PKNOX2: variants seen among roughly 807,000 people sequenced by gnomAD.
PKNOX2 encodes the protein homeobox protein PKNOX2.
PKNOX2 carries 14 observed loss-of-function variants against 53.1 expected under a neutral mutation model. The ratio of observed to expected loss-of-function variants is 0.26; its 90% CI spans 0.17 to 0.41. The LOEUF is 0.41. Among genes scored for constraint, PKNOX2 ranks in the 10% least tolerant of loss-of-function variants. The probability of loss-of-function intolerance (pLI) is 1.00; values close to 1 mark genes in which losing one functional copy is unlikely to be tolerated. For synonymous variants in PKNOX2, 257 were observed against 242.8 expected, an observed-to-expected ratio of 1.06 and a Z score of -0.54; for missense variants, 496 against 602.8, an observed-to-expected ratio of 0.82 and a Z score of 1.85.
chr11:125,181,783 A>C (rs1379404704), intron 1 of PKNOX2, among the ~76,000 whole-genome samples: 1 of 152,236 alleles, frequency 6.6e-6, no homozygotes, highest in Non-Finnish European at 1.5e-5. Context: ...CAAGATGCCA[A>C]GATGGCTGCT....
chr11:125,252,675 G>T (rs1944096141), intron 2 of PKNOX2, among the ~76,000 whole-genome samples: 1 of 152,120 alleles, frequency 6.6e-6, no homozygotes, highest in Non-Finnish European at 1.5e-5. Flanking sequence ...CGAGGACAAG[G>T]TGTGGTACCC....
chr11:125,176,181 G>T (rs1955694544), intron 1 of PKNOX2, among the ~76,000 whole-genome samples: 1 of 152,214 alleles, frequency 6.6e-6, no homozygotes, highest in Non-Finnish European at 1.5e-5. Flanking sequence ...GCTCGTGGTT[G>T]TTCTCAAGTA....
chr11:125,198,847 T>G (rs1450525657), intron 1 of PKNOX2, among the ~76,000 whole-genome samples: 1 of 151,286 alleles, frequency 6.6e-6, no homozygotes, highest in African/African-American at 2.4e-5. Context: ...TCTTCTTTTT[T>G]TTTTTTTTCT....
intron 1 of PKNOX2, among the ~76,000 whole-genome samples, chr11:125,187,143 T>C (rs908766643): frequency 2.6e-5 from 4 of 152,190 alleles, no homozygotes; most frequent in Non-Finnish European, 4.4e-5. Flanking sequence ...AGTTGGGAAG[T>C]GTGAGATTTC....
chr11:125,404,044 G>A (rs1954918697), intron 7 of PKNOX2, among the ~76,000 whole-genome samples: 1 of 152,082 alleles, frequency 6.6e-6, no homozygotes, highest in African/African-American at 2.4e-5. Flanking sequence ...ACCTCAGCCA[G>A]GACCCTAGAG....
At chr11:125,276,694 G>T (rs1397480255) in intron 2 of PKNOX2, among the ~76,000 whole-genome samples, 1 of 152,170 alleles carries the variant, frequency 6.6e-6, no homozygotes, top group Non-Finnish European at 1.5e-5. Flanking sequence ...TGGAGACCTG[G>T]GGAGAGAAGG....
intron 2 of PKNOX2, among the ~76,000 whole-genome samples, chr11:125,300,189 A>G (rs1947947831): frequency 6.6e-6 from 1 of 152,232 alleles, no homozygotes; most frequent in Non-Finnish European, 1.5e-5. Flanking sequence ...TGCTTTTGAA[A>G]GAGCAAAGGT....
chr11:125,410,938 CT>C, intron 9 of PKNOX2, 62 bp downstream of exon 9: 1 of 1,403,606 alleles, frequency 7.1e-7, no homozygotes, highest in African/African-American at 1.4e-5. Context: ...GTAATCGCTT[CT>C]TATCTGCCAG....
intron 9 of PKNOX2, chr11:125,411,421 T>G: frequency 2.4e-6 from 1 of 425,070 alleles, no homozygotes. Context: ...CAAATTCATA[T>G]CTTCTCCTGT....
intron 2 of PKNOX2, among the ~76,000 whole-genome samples, chr11:125,260,663 G>A (rs528661172): frequency 6.6e-6 from 1 of 152,168 alleles, no homozygotes; most frequent in Non-Finnish European, 1.5e-5. Context: ...CCTAGTAGCT[G>A]CAGGCTTTCG....
At chr11:125,360,252 G>C (rs1951853747) in intron 4 of PKNOX2, among the ~76,000 whole-genome samples, 2 of 152,104 alleles carry the variant, frequency 1.3e-5, no homozygotes, top group Admixed American at 6.6e-5. Context: ...GGTGTGTGGG[G>C]GTTTAATAGT....
chr11:125,433,236 C>T lies in PKNOX2; in HGVS notation c.*1844C>T, dbSNP rs1167248954. On this transcript the variant is annotated 3_prime_UTR_variant, in exon 13 of 13. Coordinates refer to ENST00000298282, the MANE Select transcript of PKNOX2 (RefSeq NM_001382323.2). ...TCCACTCACCACCTGGACAGGCGTC[C>T]CCCAGCACGGACACACTGGCACACA... 2 of 152,812 alleles carry T rather than the reference C, an allele frequency of 1.3e-5. No individual in the cohort carries two copies. Among genetic ancestry groups the T allele is most frequent in the Non-Finnish European group, 2.9e-5 (2 of 68,132 alleles). 9.5% of individuals were successfully genotyped at this position (152,812 alleles called of 1,614,324 possible).
At chr11:125,231,417 T>C (rs1014765336) in intron 1 of PKNOX2, among the ~76,000 whole-genome samples, 23 of 152,360 alleles carry the variant, frequency 1.5e-4, no homozygotes, top group African/African-American at 5.3e-4. Context: ...TATCTACAAA[T>C]GTGAATCGCC....
intron 2 of PKNOX2, among the ~76,000 whole-genome samples, chr11:125,280,908 C>G (rs564702804): frequency 6.6e-6 from 1 of 152,310 alleles, no homozygotes; most frequent in African/African-American, 2.4e-5. Context: ...CTAGTTCTGC[C>G]TGCTTTCCAG....
At position 125,411,754 on chromosome 11, in the gene PKNOX2, T is replaced by G; in HGVS notation, c.825T>G (p.Leu275=). ...CTCCACGTGCCCTGAAGGTTAACCTTGACCTCACCTCCCTCCTGGACAATG... is the reference window on the plus strand; with the variant it reads ...CTCCACGTGCCCTGAAGGTTAACCTGGACCTCACCTCCCTCCTGGACAATG... The part of the protein sequence containing the change: ...AIQIQNTQVN[L]DLTSLLDNED... The change falls in exon 10 of 13, where the codon CTT becomes CTG. Residue 275 remains leucine (L), a synonymous_variant. Transcript: ENST00000298282. The G allele has an allele frequency of 6.2e-7, 1 of 1,614,130 alleles. No individual in the cohort carries two copies. Among genetic ancestry groups the G allele is most frequent in the Non-Finnish European group, 8.5e-7 (1 of 1,180,008 alleles).
At chr11:125,400,465 CA>C (rs941866916) in intron 7 of PKNOX2, among the ~76,000 whole-genome samples, 13 of 152,174 alleles carry the variant, frequency 8.5e-5, no homozygotes, top group Non-Finnish European at 1.6e-4. Context: ...CCCTGCTTGC[CA>C]TGCCCCTGGG....
intron 1 of PKNOX2, among the ~76,000 whole-genome samples, chr11:125,224,461 A>T (rs756233763): frequency 7.9e-5 from 12 of 152,090 alleles, no homozygotes; most frequent in Non-Finnish European, 1.5e-4. Flanking sequence ...TGGGTTGGAG[A>T]TTGAAGCTGC....
chr11:125,356,798 C>A (rs781737387), intron 4 of PKNOX2, among the ~76,000 whole-genome samples: 1 of 152,208 alleles, frequency 6.6e-6, no homozygotes, highest in Non-Finnish European at 1.5e-5. Flanking sequence ...ATTAGGATCC[C>A]CATGCTGGTT....
chr11:125,297,828 G>A (rs551199972), intron 2 of PKNOX2, among the ~76,000 whole-genome samples: 31 of 152,180 alleles, frequency 2.0e-4, no homozygotes, highest in East Asian at 1.4e-3. Flanking sequence ...TCATCTCCTC[G>A]CCAGGATGAG....
Sources: allele counts gnomAD v4.1 joint callset (sites outside exome capture counted in the v4.1 genomes callset), GRCh38; gene constraint gnomAD v4.1.1; transcripts MANE v1.5; gene names NCBI Gene and HGNC (gene_info 2026-07-23, HGNC 2026-07-21).